SAMMSON: variants seen among roughly 807,000 people sequenced by gnomAD.
SAMMSON encodes survival associated mitochondrial melanoma specific oncogenic non-coding RNA, also known as long intergenic non-protein coding RNA 1212.
At chr3:70,234,736 A>T (rs1317980977) in intron 4 of SAMMSON, among the ~76,000 whole-genome samples, 3 of 152,010 alleles carry the variant, frequency 2.0e-5, no homozygotes, top group African/African-American at 7.2e-5. Context: ...AATCTTTGTG[A>T]TCTACTCACA....
chr3:70,047,318 T>C (rs1242849875), intron 3 of SAMMSON, among the ~76,000 whole-genome samples: 2 of 151,318 alleles, frequency 1.3e-5, no homozygotes, highest in Non-Finnish European at 2.9e-5. Flanking sequence ...TATTATATAA[T>C]TTCTCTCTCT....
chr3:70,034,694 A>G (rs1312788692), intron 3 of SAMMSON, among the ~76,000 whole-genome samples: 1 of 152,132 alleles, frequency 6.6e-6, no homozygotes, highest in Non-Finnish European at 1.5e-5. Flanking sequence ...AAATACAAAA[A>G]TTAGCTGGGC....
chr3:70,426,606 C>T (rs1028430898), intron 2 of SAMMSON, among the ~76,000 whole-genome samples: 10 of 152,154 alleles, frequency 6.6e-5, no homozygotes, highest in African/African-American at 2.2e-4. Context: ...TTCCCCTAAA[C>T]AAGAGTAGCA....
chr3:70,338,228 A>G (rs1046535336), intron 7 of SAMMSON, among the ~76,000 whole-genome samples: 1 of 152,032 alleles, frequency 6.6e-6, no homozygotes, highest in African/African-American at 2.4e-5. Flanking sequence ...CTATTTTCTC[A>G]TAATCATAAT....
intron 4 of SAMMSON, among the ~76,000 whole-genome samples, chr3:70,165,344 C>T (rs758839680): frequency 1.3e-5 from 2 of 151,908 alleles, no homozygotes; most frequent in Non-Finnish European, 2.9e-5. Context: ...AGAGATGAGG[C>T]CTTTTGGAGG....
intron 4 of SAMMSON, among the ~76,000 whole-genome samples, chr3:70,197,762 T>A (rs1227798769): frequency 2.6e-5 from 4 of 152,244 alleles, no homozygotes; most frequent in Non-Finnish European, 5.9e-5. Flanking sequence ...TTATTTTTAA[T>A]CTCTGTTTCC....
At chr3:70,245,587 G>A (rs904609499) in intron 4 of SAMMSON, among the ~76,000 whole-genome samples, 3 of 148,290 alleles carry the variant, frequency 2.0e-5, no homozygotes, top group Admixed American at 6.8e-5. Context: ...AAAGGGAAAC[G>A]AGATTATAGT....
At chr3:70,313,839 G>T (rs1026663070) in intron 7 of SAMMSON, among the ~76,000 whole-genome samples, 2 of 152,022 alleles carry the variant, frequency 1.3e-5, no homozygotes, top group African/African-American at 4.8e-5. Flanking sequence ...ATAAATTTCA[G>T]ATTCCTTAGA....
At chr3:70,225,449 C>A (rs908993503) in intron 4 of SAMMSON, among the ~76,000 whole-genome samples, 8 of 152,140 alleles carry the variant, frequency 5.3e-5, no homozygotes, top group Admixed American at 3.9e-4. Flanking sequence ...TTCTTTATCT[C>A]AAAAACATTG....
At chr3:70,325,132 T>C (rs1285457863) in intron 7 of SAMMSON, among the ~76,000 whole-genome samples, 1 of 152,146 alleles carries the variant, frequency 6.6e-6, no homozygotes, top group Non-Finnish European at 1.5e-5. Flanking sequence ...TTGATGCTCT[T>C]GGTTTCTCTT....
intron 3 of SAMMSON, among the ~76,000 whole-genome samples, chr3:70,019,133 T>C (rs1337956639): frequency 6.6e-6 from 1 of 152,156 alleles, no homozygotes; most frequent in East Asian, 1.9e-4. Flanking sequence ...TTCCTGGATA[T>C]CCTTGTTAAC....
intron 6 of SAMMSON, among the ~76,000 whole-genome samples, chr3:70,261,163 C>A (rs1453193403): frequency 6.6e-6 from 1 of 152,152 alleles, no homozygotes; most frequent in African/African-American, 2.4e-5. Context: ...CAGTTTGGTT[C>A]CCTTATGCAT....
chr3:70,262,349 T>C (rs1388916254), intron 6 of SAMMSON, among the ~76,000 whole-genome samples: 1 of 152,212 alleles, frequency 6.6e-6, no homozygotes, highest in African/African-American at 2.4e-5. Context: ...CCTCACCATC[T>C]GATAACATAA....
chr3:70,049,382 A>T (rs555817130), intron 3 of SAMMSON, among the ~76,000 whole-genome samples: 1 of 152,290 alleles, frequency 6.6e-6, no homozygotes, highest in African/African-American at 2.4e-5. Context: ...AAATCTTAGA[A>T]AATTACTTAC....
downstream of SAMMSON, among the ~76,000 whole-genome samples, chr3:70,394,741 T>C: frequency 6.6e-6 from 1 of 152,004 alleles, no homozygotes; most frequent in East Asian, 1.9e-4. Flanking sequence ...TAAAATCACG[T>C]CCAAACTTTT....
At chr3:70,017,103 G>GT (rs1229823769) in intron 3 of SAMMSON, among the ~76,000 whole-genome samples, 2 of 152,104 alleles carry the variant, frequency 1.3e-5, no homozygotes, top group Non-Finnish European at 1.5e-5. Flanking sequence ...CTTTAAAGTA[G>GT]TTTTTTCCAA....
At chr3:70,024,145 A>G (rs1290349775) in intron 3 of SAMMSON, among the ~76,000 whole-genome samples, 1 of 152,196 alleles carries the variant, frequency 6.6e-6, no homozygotes, top group African/African-American at 2.4e-5. Flanking sequence ...TTAGATTGGC[A>G]GTTCTTTGAC....
At chr3:70,326,809 C>A (rs1363427753) in intron 7 of SAMMSON, among the ~76,000 whole-genome samples, 1 of 152,066 alleles carries the variant, frequency 6.6e-6, no homozygotes, top group Non-Finnish European at 1.5e-5. Context: ...AGGTTTTATG[C>A]CTTTCAGGCA....
intron 3 of SAMMSON, among the ~76,000 whole-genome samples, chr3:70,019,037 G>T (rs545188671): frequency 2.5e-4 from 38 of 152,322 alleles, no homozygotes; most frequent in Middle Eastern, 3.4e-3. Flanking sequence ...GCGATGTGGT[G>T]CTGAGAAGAA....
Sources: allele counts gnomAD v4.1 joint callset (sites outside exome capture counted in the v4.1 genomes callset), GRCh38; gene constraint gnomAD v4.1.1; transcripts MANE v1.5; gene names NCBI Gene and HGNC (gene_info 2026-07-23, HGNC 2026-07-21).